Variants in ULK4 observed in about 807,000 individuals in gnomAD.
The protein encoded by ULK4 is unc-51 like kinase 4, also known as inactive serine/threonine-protein kinase ULK4.
In ULK4, 133 loss-of-function variants were observed where a neutral mutation model predicts 160.6. That is an observed-to-expected ratio of 0.83 (90% CI 0.72 to 0.96). The LOEUF (loss-of-function observed/expected upper bound fraction) is 0.96, where lower values mean the gene tolerates loss of function less well. Among genes scored for constraint, ULK4 ranks in the 40% least tolerant of loss-of-function variants. The probability of loss-of-function intolerance (pLI) is 0.00; values close to 1 mark genes in which losing one functional copy is unlikely to be tolerated. For missense variants in ULK4, 1,580 were observed against 1,499.5 expected (o/e 1.05, Z -0.89); for synonymous variants, 534 against 539.8 (o/e 0.99, Z 0.15).
chr3:41,280,215 C>T (rs1418801167), intron 35 of ULK4, among the ~76,000 whole-genome samples: 1 of 152,180 alleles, frequency 6.6e-6, no homozygotes, highest in Non-Finnish European at 1.5e-5. Flanking sequence ...TAATGGGAGA[C>T]TTTAATACCA....
chr3:41,300,735 T>C (rs914766022), intron 35 of ULK4, among the ~76,000 whole-genome samples: 1 of 151,008 alleles, frequency 6.6e-6, no homozygotes, highest in Admixed American at 6.6e-5. Flanking sequence ...GTCCTAGCCA[T>C]GATACAAGTG....
chr3:41,506,088 A>C (rs1406719652), intron 32 of ULK4, among the ~76,000 whole-genome samples: 2 of 152,188 alleles, frequency 1.3e-5, no homozygotes, highest in Non-Finnish European at 2.9e-5. Flanking sequence ...CGAAACTAGA[A>C]ATGTCTTTCA....
At chr3:41,910,192 G>A (rs375490481) in intron 11 of ULK4, among the ~76,000 whole-genome samples, 50 of 152,176 alleles carry the variant, frequency 3.3e-4, no homozygotes, top group East Asian at 1.7e-3. Context: ...TACTGAGCCC[G>A]GTCCATACTA....
chr3:41,665,992 T>C (rs918593721), intron 29 of ULK4, among the ~76,000 whole-genome samples: 7 of 152,220 alleles, frequency 4.6e-5, no homozygotes, highest in Non-Finnish European at 8.8e-5. Flanking sequence ...AAGAGACGCA[T>C]AGGGCAGAGA....
At chr3:41,691,505 C>T (rs923500752) in intron 27 of ULK4, among the ~76,000 whole-genome samples, 4 of 151,886 alleles carry the variant, frequency 2.6e-5, no homozygotes, top group African/African-American at 9.7e-5. Context: ...ATTCTTTCTT[C>T]TGAGGAGGCA....
At chr3:41,565,344 T>C (rs1366441649) in intron 32 of ULK4, among the ~76,000 whole-genome samples, 1 of 152,228 alleles carries the variant, frequency 6.6e-6, no homozygotes, top group Non-Finnish European at 1.5e-5. Context: ...TATCTGTTTT[T>C]ATTTTGATTG....
chr3:41,487,334 A>C (rs897679944), intron 32 of ULK4, among the ~76,000 whole-genome samples: 1 of 152,152 alleles, frequency 6.6e-6, no homozygotes, highest in African/African-American at 2.4e-5. Context: ...GAACATAACA[A>C]AGTTATGTTT....
rs1699883928 is a variant in ULK4 at position 41,939,466 on chromosome 3, T to G, written c.139-1269A>C. Among the ~76,000 whole-genome samples, 5 of 148,054 alleles carry G rather than the reference T, an allele frequency of 3.4e-5. No homozygotes were observed. In the South Asian group the frequency reaches 1.2e-3, roughly 34 times the overall value. ...TGAGCCACTGTGCCTGGTCAAGCAA[T>G]GATTATCTGTAGGTGATAGGACAAT... is the stretch of plus-strand genomic sequence containing the variant. On this transcript the variant is annotated intron_variant, in intron 2 of 36. Coordinates refer to ENST00000301831, the MANE Select transcript of ULK4 (RefSeq NM_017886.4).
At chr3:41,930,717 C>T (rs1716990) in intron 5 of ULK4, among the ~76,000 whole-genome samples, 111,053 of 151,982 alleles carry the variant, frequency 0.73, 42,179 homozygotes, top group East Asian at 0.83. Flanking sequence ...GACATTTATG[C>T]GGCCAACAAA....
intron 35 of ULK4, among the ~76,000 whole-genome samples, chr3:41,312,052 C>T (rs2080061610): frequency 6.6e-6 from 1 of 151,262 alleles, no homozygotes; most frequent in East Asian, 2.0e-4. Context: ...CAGCTCACCG[C>T]AGACTCAAAC....
chr3:41,792,597 A>C (rs1438138433), intron 20 of ULK4, among the ~76,000 whole-genome samples: 1 of 152,180 alleles, frequency 6.6e-6, no homozygotes, highest in Non-Finnish European at 1.5e-5. Context: ...ATGATGGGGA[A>C]ATTTCTTAAT....
At chr3:41,667,171 A>AAC (rs2035374521) in intron 29 of ULK4, among the ~76,000 whole-genome samples, 1 of 151,832 alleles carries the variant, frequency 6.6e-6, no homozygotes, top group Non-Finnish European at 1.5e-5. Flanking sequence ...AAAAAAGAAA[A>AAC]ACACACACAC....
chr3:41,550,923 T>C (rs1187267251), intron 32 of ULK4, among the ~76,000 whole-genome samples: 1 of 152,000 alleles, frequency 6.6e-6, no homozygotes, highest in East Asian at 1.9e-4. Context: ...ATCAAAATCA[T>C]ATCAACTATT....
chr3:41,722,390 A>G (rs974606417), intron 22 of ULK4, among the ~76,000 whole-genome samples: 2 of 152,166 alleles, frequency 1.3e-5, no homozygotes, highest in African/African-American at 2.4e-5. Flanking sequence ...GCACTTTGGG[A>G]GGCCATGGCG....
intron 31 of ULK4, among the ~76,000 whole-genome samples, chr3:41,581,485 T>G (rs1225574756): frequency 6.6e-6 from 1 of 152,186 alleles, no homozygotes; most frequent in Admixed American, 6.5e-5. Flanking sequence ...GAACAATTTG[T>G]TGGTTTTTCA....
intron 14 of ULK4, among the ~76,000 whole-genome samples, chr3:41,897,738 T>G (rs1013704855): frequency 6.6e-6 from 1 of 152,212 alleles, no homozygotes; most frequent in Non-Finnish European, 1.5e-5. Context: ...TTTGTTTTTA[T>G]CAGTAATTAA....
At chr3:41,647,331 C>T (rs957901104) in intron 30 of ULK4, among the ~76,000 whole-genome samples, 1 of 151,968 alleles carries the variant, frequency 6.6e-6, no homozygotes, top group Non-Finnish European at 1.5e-5. Flanking sequence ...GTTTTATCTA[C>T]TTTTGGTCTT....
At chr3:41,491,609 C>T (rs2084767372) in intron 32 of ULK4, among the ~76,000 whole-genome samples, 1 of 152,056 alleles carries the variant, frequency 6.6e-6, no homozygotes, top group Admixed American at 6.6e-5. Context: ...CCTACTCCCA[C>T]AACTTATAAC....
intron 27 of ULK4, among the ~76,000 whole-genome samples, chr3:41,690,800 C>G (rs1575574595): frequency 6.6e-6 from 1 of 151,866 alleles, no homozygotes; most frequent in Admixed American, 6.6e-5. Flanking sequence ...GCTTTTCTGT[C>G]TTCAACCAGA....
Sources: allele counts gnomAD v4.1 joint callset (sites outside exome capture counted in the v4.1 genomes callset), GRCh38; gene constraint gnomAD v4.1.1; transcripts MANE v1.5; gene names NCBI Gene and HGNC (gene_info 2026-07-23, HGNC 2026-07-21).